The following EFL1 variants were observed in gnomAD, a reference collection of about 807,000 sequenced individuals.
The protein encoded by EFL1 is elongation factor-like GTPase 1.
EFL1 carries 76 observed loss-of-function variants against 126.7 expected under a neutral mutation model. The ratio of observed to expected loss-of-function variants is 0.60; its 90% CI spans 0.50 to 0.73. EFL1 has a LOEUF of 0.73. Among genes scored for constraint, EFL1 ranks in the 30% least tolerant of loss-of-function variants. The probability of loss-of-function intolerance (pLI) is 0.00; values close to 1 mark genes in which losing one functional copy is unlikely to be tolerated. For missense variants in EFL1, 1,128 were observed against 1,343.2 expected, an observed-to-expected ratio of 0.84 and a Z score of 2.50; for synonymous variants, 410 against 448.4, an observed-to-expected ratio of 0.91 and a Z score of 1.08.
chr15:82,224,888 A>G (rs1260979901), intron 12 of EFL1, among the ~76,000 whole-genome samples: 2 of 152,258 alleles, frequency 1.3e-5, no homozygotes, highest in Admixed American at 6.5e-5. Context: ...CATGTTTAAT[A>G]AAAGTTAATT....
chr15:82,236,636 GA>G (rs1437300446), intron 7 of EFL1, among the ~76,000 whole-genome samples: 4 of 152,110 alleles, frequency 2.6e-5, no homozygotes, highest in South Asian at 2.1e-4. Flanking sequence ...CCCACCAAAA[GA>G]AAACCTTAAC....
In EFL1 at chr15:82,152,359, GT is replaced by G. The variant is rs1245525577; in HGVS notation, c.2094del (p.Lys698AsnfsTer12). The G allele has an allele frequency of 6.2e-7, 1 of 1,613,478 alleles. No individual in the cohort carries two copies. Among genetic ancestry groups the G allele is most frequent in the Non-Finnish European group, 8.5e-7 (1 of 1,180,016 alleles). ...TCATTGACCATGTCAACTTTTGGGG[GT>G]TTTGTGATTGTTTCTCTGAATGGAA... ...PIIPFRETIT[K>X]PPKVDMVNEE... On this transcript the variant is annotated frameshift_variant, in exon 18 of 20. Transcript: ENST00000268206. LOFTEE classifies it high-confidence loss of function.
At chr15:82,188,918 C>CT (rs200171867) in intron 15 of EFL1, among the ~76,000 whole-genome samples, 48,250 of 133,510 alleles carry the variant, frequency 0.36, 9,108 homozygotes, top group African/African-American at 0.51. Context: ...TGTGTTTATG[C>CT]TTTTTTTTTT....
At chr15:82,169,309 G>A (rs1377940765) in intron 15 of EFL1, among the ~76,000 whole-genome samples, 1 of 152,116 alleles carries the variant, frequency 6.6e-6, no homozygotes, top group Admixed American at 6.5e-5. Flanking sequence ...CATTTTCCTG[G>A]TGAGAATGAA....
At chr15:82,234,357 A>C (rs2651717) in intron 7 of EFL1, among the ~76,000 whole-genome samples, 1 of 152,186 alleles carries the variant, frequency 6.6e-6, no homozygotes, top group Non-Finnish European at 1.5e-5. Flanking sequence ...TTGTTTTTTC[A>C]GATAAGTAAA....
rs757110269 is a variant in EFL1 at position 82,151,867 on chromosome 15, G to C, written c.2587C>G (p.Arg863Gly). The C allele has an allele frequency of 6.2e-6, 10 of 1,613,924 alleles. No homozygotes were observed. Among genetic ancestry groups the C allele is most frequent in the Non-Finnish European group, 8.5e-6 (10 of 1,180,024 alleles). ...DKASKEASRY[R>G]DLGNSIVSGF... The stretch of plus-strand genomic sequence containing the variant: ...CTCACAATGCTATTGCCCAAATCTC[G>C]GTATCTACTGGCTTCTTTTGAAGCT... The change falls in exon 18 of 20, where the codon CGA (arginine) becomes GGA (glycine). Residue 863 changes from arginine to glycine, a missense_variant. By Grantham distance (125) the Arg-to-Gly change is moderately radical (BLOSUM62 -2). This residue lies in a region of EFL1 where 561 missense variants were observed against 641.7 expected (regional missense o/e 0.87). Transcript: ENST00000268206.
At chr15:82,258,116 T>G (rs1406926969) in intron 3 of EFL1, among the ~76,000 whole-genome samples, 1 of 152,204 alleles carries the variant, frequency 6.6e-6, no homozygotes, top group African/African-American at 2.4e-5. Flanking sequence ...CTTCTCTCTA[T>G]TCTCTGTCAC....
rs1257760697 is a variant in EFL1, at chr15:82,255,736, G to C, written c.160-2961C>G. On this transcript the variant is annotated intron_variant, in intron 3 of 19. Transcript: ENST00000268206. ...CAGTTGCCCAAGAACCACTTGAAAGGTTCATCTTTTTCCCACAGATCTGAA... is the reference window on the plus strand; with the variant it reads ...CAGTTGCCCAAGAACCACTTGAAAGCTTCATCTTTTTCCCACAGATCTGAA... Among the ~76,000 whole-genome samples, 4 of 152,192 alleles carry C rather than the reference G, an allele frequency of 2.6e-5. No homozygotes were observed. The East Asian group carries it at 7.7e-4, about 29-fold the overall frequency.
intron 15 of EFL1, among the ~76,000 whole-genome samples, chr15:82,173,438 C>T (rs1011928087): frequency 3.3e-5 from 5 of 152,074 alleles, no homozygotes; most frequent in Non-Finnish European, 7.4e-5. Flanking sequence ...AACATTTCAC[C>T]AGGTATAAAG....
At chr15:82,260,925 T>C (rs1174537248) in intron 2 of EFL1, among the ~76,000 whole-genome samples, 1 of 152,298 alleles carries the variant, frequency 6.6e-6, no homozygotes, top group Non-Finnish European at 1.5e-5. Flanking sequence ...TACCAAGAGG[T>C]TTGAAATCAA....
At chr15:82,141,599 G>C (rs2654223) in intron 18 of EFL1, among the ~76,000 whole-genome samples, 35,363 of 151,136 alleles carry the variant, frequency 0.23, 5,015 homozygotes, top group South Asian at 0.42. Context: ...AGGAGAACTT[G>C]GGAGGTGGAG....
intron 14 of EFL1, among the ~76,000 whole-genome samples, chr15:82,216,078 T>C (rs1413622662): frequency 6.6e-6 from 1 of 152,176 alleles, no homozygotes; most frequent in Non-Finnish European, 1.5e-5. Context: ...TATACTTCTA[T>C]AATTAGGAAT....
At chr15:82,174,014 C>T (rs2074165065) in intron 15 of EFL1, among the ~76,000 whole-genome samples, 1 of 152,046 alleles carries the variant, frequency 6.6e-6, no homozygotes, top group Non-Finnish European at 1.5e-5. Flanking sequence ...ATGGTGAAAC[C>T]CTGCCTCTAC....
intron 19 of EFL1, among the ~76,000 whole-genome samples, chr15:82,131,924 T>G (rs1462833864): frequency 6.7e-6 from 1 of 149,608 alleles, no homozygotes; most frequent in Non-Finnish European, 1.5e-5. Context: ...AAAAAAAAAG[T>G]CTCAAAGGAA....
chr15:82,190,213 C>A (rs2074344890), intron 15 of EFL1, among the ~76,000 whole-genome samples: 1 of 151,770 alleles, frequency 6.6e-6, no homozygotes, highest in Non-Finnish European at 1.5e-5. Flanking sequence ...AGTATTGAAT[C>A]TGTTCCTCAC....
intron 18 of EFL1, among the ~76,000 whole-genome samples, chr15:82,141,848 A>C (rs1450834332): frequency 6.6e-6 from 1 of 152,260 alleles, no homozygotes; most frequent in African/African-American, 2.4e-5. Context: ...TGCATGGGTC[A>C]TGCCAGCAGG....
At chr15:82,148,984 T>C (rs1425140226) in intron 18 of EFL1, among the ~76,000 whole-genome samples, 4 of 148,702 alleles carry the variant, frequency 2.7e-5, no homozygotes, top group African/African-American at 9.9e-5. Context: ...TTTTTTTTTC[T>C]AACATGATTG....
chr15:82,167,705 G>A (rs1182630297), intron 15 of EFL1, among the ~76,000 whole-genome samples: 1 of 152,128 alleles, frequency 6.6e-6, no homozygotes, highest in Non-Finnish European at 1.5e-5. Flanking sequence ...TTCTGGGGGC[G>A]AGCCTGTTAG....
At chr15:82,197,125 A>C (rs1416085808) in intron 15 of EFL1, among the ~76,000 whole-genome samples, 2 of 152,196 alleles carry the variant, frequency 1.3e-5, no homozygotes, top group Non-Finnish European at 2.9e-5. Flanking sequence ...ACTGTTTAGA[A>C]AGTGAAAATT....
Sources: gnomAD v4.1 joint callset for allele counts (sites outside exome capture counted in the v4.1 genomes callset) on GRCh38, gnomAD v4.1.1 for gene constraint, gnomAD v4.1.1 regional missense constraint, MANE v1.5 for transcripts, NCBI Gene and HGNC (gene_info 2026-07-23, HGNC 2026-07-21) for gene names.